ZC3H7A: variants seen among roughly 807,000 people sequenced by gnomAD.
The protein encoded by ZC3H7A is zinc finger CCCH domain-containing protein 7A.
ZC3H7A carries 44 observed loss-of-function variants against 125.5 expected under a neutral mutation model. The observed-to-expected ratio is 0.35, with a 90% CI of 0.28 to 0.45. The LOEUF (loss-of-function observed/expected upper bound fraction) is 0.45, where lower values mean the gene tolerates loss of function less well. Among genes scored for constraint, ZC3H7A ranks in the 20% least tolerant of loss-of-function variants. The pLI is 1.00. For missense variants in ZC3H7A, 977 were observed against 1,170.7 expected (o/e 0.83, Z 2.41); for synonymous variants, 399 against 391.2 (o/e 1.02, Z -0.23).
At chr16:11,751,669 C>G (rs9939699) in intron 22 of ZC3H7A, among the ~76,000 whole-genome samples, 163 bp from the exon 23 acceptor site, 5,296 of 152,028 alleles carry the variant, frequency 0.035, 331 homozygotes, top group African/African-American at 0.12. Flanking sequence ...ATGACATCTA[C>G]AATAGAAAAA....
At chr16:11,752,125 C>G (rs1176662279) in intron 22 of ZC3H7A, among the ~76,000 whole-genome samples, 1 of 152,076 alleles carries the variant, frequency 6.6e-6, no homozygotes, top group African/African-American at 2.4e-5. Context: ...AGGCTGGTCT[C>G]GAACTCCTGG....
chr16:11,774,604 G>A (rs1239766042), intron 8 of ZC3H7A, 85 bp from the exon 9 acceptor site: 2 of 1,376,426 alleles, frequency 1.5e-6, no homozygotes, highest in African/African-American at 1.5e-5. Flanking sequence ...GAGATACAAA[G>A]ATGAAAATAT....
At position 11,769,068 on chromosome 16, in the gene ZC3H7A, C is replaced by T; in HGVS notation, c.1136G>A (p.Gly379Glu). Reference protein sequence around the residue: ...RDLSTSTSREGTPLNNSNSSL... With the variant: ...RDLSTSTSREETPLNNSNSSL... ...AGAATTACTGTTGTTAAGCGGTGTTCCCTCTCTAGAAGTTGAGGTGGACAG... is the reference window on the plus strand; with the variant it reads ...AGAATTACTGTTGTTAAGCGGTGTTTCCTCTCTAGAAGTTGAGGTGGACAG... Residue 379 changes from glycine (G) to glutamate (E), a missense_variant, in exon 11 of 23, where the codon GGA (glycine) becomes GAA (glutamate). Physicochemically the swap from Gly to Glu is moderately conservative, Grantham distance 98. Around this residue, in one of 3 missense-constraint regions of ZC3H7A, gnomAD observed 342 missense variants for 311.3 expected, o/e 1.10. Coordinates refer to ENST00000355758, the MANE Select transcript of ZC3H7A (RefSeq NM_014153.4). 1.2e-6 allele frequency: 2 copies of T among 1,610,000 alleles called. No homozygotes were observed. Among genetic ancestry groups the T allele is most frequent in the Non-Finnish European group, 1.7e-6 (2 of 1,178,448 alleles).
rs906443440 is a variant in ZC3H7A, at chr16:11,751,211, G to A, written c.*106C>T. On this transcript the variant is annotated 3_prime_UTR_variant, in exon 23 of 23. Coordinates refer to ENST00000355758, the MANE Select transcript of ZC3H7A (RefSeq NM_014153.4). ...TTGCTGCTCAGGAGGAACGATATAC[G>A]CCAATACAAGCAGGAAATCTGCAGC... 11 of 1,233,074 alleles carry A rather than the reference G, an allele frequency of 8.9e-6. No individual in the cohort carries two copies. Among genetic ancestry groups the A allele is most frequent in the South Asian group, 3.2e-5 (2 of 62,820 alleles). 76.4% of individuals were successfully genotyped at this position (1,233,074 alleles called of 1,614,324 possible).
At chr16:11,780,557 G>A (rs1436976468) in intron 3 of ZC3H7A, among the ~76,000 whole-genome samples, 1 of 152,186 alleles carries the variant, frequency 6.6e-6, no homozygotes, top group East Asian at 1.9e-4. Flanking sequence ...AGACTGGACG[G>A]ATCAACTATT....
intron 1 of ZC3H7A, among the ~76,000 whole-genome samples, chr16:11,793,546 T>TG (rs899695298): frequency 1.5e-4 from 22 of 143,696 alleles, no homozygotes; most frequent in Admixed American, 2.8e-4. Context: ...AAAAAGGGGG[T>TG]GGGGGGGAGG....
chr16:11,769,389 A>G (rs1040853067), intron 10 of ZC3H7A, among the ~76,000 whole-genome samples: 1 of 152,154 alleles, frequency 6.6e-6, no homozygotes, highest in East Asian at 1.9e-4. Context: ...TTTATATTCA[A>G]AAATGGGAAA....
Position 11,765,346 on chromosome 16 carries a change from A to G in ZC3H7A, c.1719+143T>C. 1.6e-6 allele frequency: 1 copy of G among 626,568 alleles called. No individual in the cohort carries two copies. Among genetic ancestry groups the G allele is most frequent in the East Asian group, 3.2e-5 (1 of 31,640 alleles). The allele number at this position is 626,568 out of a possible 1,614,324, so 38.8% of individuals were successfully genotyped here. A position where few individuals can be genotyped will look rare whatever the true frequency, so the allele number is the denominator to read the frequency against. On this transcript the variant is annotated intron_variant, in intron 14 of 22. Transcript: ENST00000355758. This position sits in a 1 kb window ranked among gnomAD's most constrained non-coding sequence, Gnocchi z 4.8. ...CATGGGAGGACCAGAGGAATATTTT[A>G]TTCATAAATATGATATTATTTATCA...
At chr16:11,751,777 G>C (rs1214792414) in intron 22 of ZC3H7A, among the ~76,000 whole-genome samples, 1 of 151,760 alleles carries the variant, frequency 6.6e-6, no homozygotes, top group Non-Finnish European at 1.5e-5. Flanking sequence ...AATCAGAGGC[G>C]GCATCAAGGA....
At chr16:11,766,993 TATA>T (rs2141180675) in intron 13 of ZC3H7A, among the ~76,000 whole-genome samples, 1 of 151,612 alleles carries the variant, frequency 6.6e-6, no homozygotes, top group East Asian at 1.9e-4. Context: ...TCAATACTGT[TATA>T]ATAACATAAT....
At chr16:11,780,293 G>A (rs968507529) in intron 3 of ZC3H7A, among the ~76,000 whole-genome samples, 3 of 151,702 alleles carry the variant, frequency 2.0e-5, no homozygotes, top group Admixed American at 2.0e-4. Context: ...GCTAATTTTT[G>A]TATTTTTAGT....
chr16:11,782,583 G>C, intron 1 of ZC3H7A, 195 bp from the exon 2 acceptor site: 39 of 324,216 alleles, frequency 1.2e-4, no homozygotes, highest in East Asian at 2.9e-4. Flanking sequence ...CACACCATAA[G>C]CACACCGTTT....
Position 11,762,697 on chromosome 16 carries a change from A to C in ZC3H7A, c.2053T>G (p.Leu685Val). 6.2e-7 allele frequency: 1 copy of C among 1,614,032 alleles called. No homozygotes were observed. The highest frequency in any genetic ancestry group is 1.1e-5 in the South Asian group (1 of 91,076). The part of the protein sequence containing the change: ...AQESKRYWQN[L>V]EANVPGAQVL... ...TGCGCTCCAGGTACATTTGCTTCCAAATTCTGCCAATATCGTTTAGACTCT... is the reference window on the plus strand; with the variant it reads ...TGCGCTCCAGGTACATTTGCTTCCACATTCTGCCAATATCGTTTAGACTCT... Residue 685 changes from leucine to valine, a missense_variant, in exon 17 of 23, where the codon TTG becomes GTG. Leu to Val is a conservative substitution (Grantham distance 32). Around this residue, in one of 3 missense-constraint regions of ZC3H7A, gnomAD observed 436 missense variants for 603.2 expected, o/e 0.72. Coordinates refer to ENST00000355758, the MANE Select transcript of ZC3H7A (RefSeq NM_014153.4).
At position 11,765,235 on chromosome 16, in the gene ZC3H7A, A is replaced by G. The variant is rs1025671205; in HGVS notation, c.1720-82T>C. ...AGAATATTGTCCTAGTTTCAATATCATTACAAAATTAATATTCAATATGAA... is the reference window on the plus strand; with the variant it reads ...AGAATATTGTCCTAGTTTCAATATCGTTACAAAATTAATATTCAATATGAA... On this transcript the variant is annotated intron_variant, in intron 14 of 22. Coordinates refer to ENST00000355758, the MANE Select transcript of ZC3H7A (RefSeq NM_014153.4). This position sits in a 1 kb window ranked among gnomAD's most constrained non-coding sequence, Gnocchi z 4.8. 1 of 880,042 alleles carries G rather than the reference A, an allele frequency of 1.1e-6. No individual in the cohort carries two copies. Among genetic ancestry groups the G allele is most frequent in the South Asian group, 2.1e-5 (1 of 48,312 alleles). The allele number at this position is 880,042 out of a possible 1,614,324, so 54.5% of individuals were successfully genotyped here. A position where few individuals can be genotyped will look rare whatever the true frequency, so the allele number is the denominator to read the frequency against.
chr16:11,792,978 G>A (rs927886432), intron 1 of ZC3H7A, among the ~76,000 whole-genome samples: 1 of 152,150 alleles, frequency 6.6e-6, no homozygotes, highest in African/African-American at 2.4e-5. Context: ...CTCAACAGAC[G>A]TCATTTAATG....
chr16:11,789,171 T>C (rs1050741682), intron 1 of ZC3H7A, among the ~76,000 whole-genome samples: 12 of 152,216 alleles, frequency 7.9e-5, no homozygotes, highest in Non-Finnish European at 1.8e-4. Flanking sequence ...GGTGAAGGGT[T>C]CATGGGACTC....
At position 11,765,361 on chromosome 16, in the gene ZC3H7A, ATTAT is replaced by A; in HGVS notation, c.1719+124_1719+127del. The A allele has an allele frequency of 3.1e-6, 2 of 637,668 alleles. No homozygotes were observed. The highest frequency in any genetic ancestry group is 4.9e-6 in the Non-Finnish European group (2 of 411,346). The allele number at this position is 637,668 out of a possible 1,614,324, so 39.5% of individuals were successfully genotyped here. A position where few individuals can be genotyped will look rare whatever the true frequency, so the allele number is the denominator to read the frequency against. ...GGAATATTTTATTCATAAATATGAT[ATTAT>A]TTATCATATAAATAAATGAATATTT... On this transcript the variant is annotated intron_variant, in intron 14 of 22. Coordinates refer to ENST00000355758, the MANE Select transcript of ZC3H7A (RefSeq NM_014153.4). This position sits in a 1 kb window ranked among gnomAD's most constrained non-coding sequence, Gnocchi z 4.8.
chr16:11,771,489 T>C (rs1373868867), intron 9 of ZC3H7A, among the ~76,000 whole-genome samples: 1 of 152,070 alleles, frequency 6.6e-6, no homozygotes, highest in East Asian at 1.9e-4. Flanking sequence ...TTAAAAACAA[T>C]TGAGGTGGGA....
chr16:11,791,031 C>T (rs1174155804), intron 1 of ZC3H7A, among the ~76,000 whole-genome samples: 3 of 151,536 alleles, frequency 2.0e-5, no homozygotes, highest in African/African-American at 7.3e-5. Context: ...ATAATCACAC[C>T]ACTGCACTCC....
Sources: gnomAD v4.1 joint callset for allele counts (sites outside exome capture counted in the v4.1 genomes callset) on GRCh38, gnomAD v4.1.1 for gene constraint, gnomAD v4.1.1 regional missense constraint, Gnocchi (gnomAD v3.1) non-coding constraint, MANE v1.5 for transcripts, NCBI Gene and HGNC (gene_info 2026-07-23, HGNC 2026-07-21) for gene names.